Variants in FGGY observed in about 807,000 individuals in gnomAD.
The protein encoded by FGGY is FGGY carbohydrate kinase domain-containing protein.
A neutral mutation model predicts 71.3 loss-of-function variants in FGGY; 72 were observed. The observed-to-expected ratio is 1.01, with a 90% CI of 0.84 to 1.23. The LOEUF (loss-of-function observed/expected upper bound fraction) is 1.23, where lower values mean the gene tolerates loss of function less well. Ranked by LOEUF, FGGY falls within the 50% of genes most tolerant of loss-of-function variation. FGGY has a pLI of 0.00. For synonymous variants in FGGY, 251 were observed against 250.3 expected (o/e 1.00, Z -0.02); for missense variants, 668 against 682.3 (o/e 0.98, Z 0.23).
At chr1:59,547,020 T>C (rs964427648) in intron 7 of FGGY, among the ~76,000 whole-genome samples, 4 of 148,408 alleles carry the variant, frequency 2.7e-5, no homozygotes, top group African/African-American at 1.0e-4. Flanking sequence ...TGGCGCGATC[T>C]CGATTCACTG....
chr1:59,582,465 C>T (rs931272512), intron 8 of FGGY, among the ~76,000 whole-genome samples: 4 of 149,824 alleles, frequency 2.7e-5, no homozygotes, highest in South Asian at 2.1e-4. Context: ...TCCAGCCTCA[C>T]GTTGCACTAC....
At chr1:59,472,795 C>G (rs971518287) in intron 6 of FGGY, among the ~76,000 whole-genome samples, 1 of 148,782 alleles carries the variant, frequency 6.7e-6, no homozygotes, top group Admixed American at 6.7e-5. Context: ...TTGTGTCTAG[C>G]TCAGGGATTG....
At chr1:59,670,238 C>T (rs1230992276) in intron 13 of FGGY, among the ~76,000 whole-genome samples, 1 of 152,244 alleles carries the variant, frequency 6.6e-6, no homozygotes, top group African/African-American at 2.4e-5. Flanking sequence ...TCCTCTCCTT[C>T]ACCCAGGACT....
intron 14 of FGGY, among the ~76,000 whole-genome samples, chr1:59,727,569 T>A (rs1016680293): frequency 4.6e-5 from 7 of 152,162 alleles, no homozygotes; most frequent in African/African-American, 9.6e-5. Context: ...TACAAATAAA[T>A]GCCAAAACAT....
chr1:59,647,247 T>G (rs2097103671), intron 11 of FGGY, among the ~76,000 whole-genome samples: 1 of 152,200 alleles, frequency 6.6e-6, no homozygotes, highest in Non-Finnish European at 1.5e-5. Flanking sequence ...CCAGAAGAGT[T>G]GTACAGACCA....
At chr1:59,410,129 G>T (rs2063388989) in intron 5 of FGGY, among the ~76,000 whole-genome samples, 1 of 152,180 alleles carries the variant, frequency 6.6e-6, no homozygotes, top group Admixed American at 6.5e-5. Flanking sequence ...CAATGCAAAG[G>T]TATTGTCTTT....
At position 59,703,734 on chromosome 1, in the gene FGGY, G is replaced by GA. The variant is rs1000473269; in HGVS notation, c.1512+29607dup. On this transcript the variant is annotated intron_variant, in intron 14 of 15. Coordinates refer to ENST00000303721, the MANE Select transcript of FGGY (RefSeq NM_018291.5). ...ATCTGTCTTTAAAAGCAAGGAGCCAGAAAAAATAATTCATACTAAAAACAA... is the reference window on the plus strand; with the variant it reads ...ATCTGTCTTTAAAAGCAAGGAGCCAGAAAAAAATAATTCATACTAAAAACAA... Among the ~76,000 whole-genome samples, 9 of 152,272 alleles carry GA rather than the reference G, an allele frequency of 5.9e-5. No individual in the cohort carries two copies. The East Asian group carries it at 9.6e-4, about 16-fold the overall frequency.
chr1:59,378,622 C>G, intron 4 of FGGY, 127 bp from the exon 5 acceptor site: 3 of 708,734 alleles, frequency 4.2e-6, no homozygotes, highest in Non-Finnish European at 7.2e-6. Context: ...CCCCACCAAG[C>G]TCCTGAACAG....
At chr1:59,699,055 T>C in intron 14 of FGGY, 1 of 985,430 alleles carries the variant, frequency 1.0e-6, no homozygotes, top group South Asian at 4.7e-5. Flanking sequence ...ACATTTTTCC[T>C]TCCAGCCAGC....
At chr1:59,693,967 A>T (rs1384454504) in intron 14 of FGGY, among the ~76,000 whole-genome samples, 2 of 151,566 alleles carry the variant, frequency 1.3e-5, no homozygotes, top group African/African-American at 4.9e-5. Flanking sequence ...ATGTTACGCC[A>T]CTGCACTCCA....
intron 8 of FGGY, among the ~76,000 whole-genome samples, chr1:59,591,534 A>G (rs1430392755): frequency 2.6e-5 from 4 of 152,228 alleles, no homozygotes; most frequent in Non-Finnish European, 5.9e-5. Flanking sequence ...CCTGACTTCA[A>G]ACTATACTAC....
chr1:59,564,551 A>G (rs1240460261), intron 8 of FGGY, among the ~76,000 whole-genome samples: 1 of 152,250 alleles, frequency 6.6e-6, no homozygotes, highest in Non-Finnish European at 1.5e-5. Context: ...TTAGAGGAGC[A>G]GAGGATGCTC....
chr1:59,442,322 C>G (rs2070120626), intron 5 of FGGY, among the ~76,000 whole-genome samples: 1 of 152,218 alleles, frequency 6.6e-6, no homozygotes, highest in South Asian at 2.1e-4. Flanking sequence ...AATGTATCCT[C>G]CTTCTGAAGA....
At chr1:59,583,565 A>G (rs1179876342) in intron 8 of FGGY, among the ~76,000 whole-genome samples, 1 of 142,700 alleles carries the variant, frequency 7.0e-6, no homozygotes, top group African/African-American at 2.8e-5. Flanking sequence ...TTGTTTAGAC[A>G]TGTTTTAGGG....
intron 7 of FGGY, among the ~76,000 whole-genome samples, chr1:59,534,056 C>A (rs2153669592): frequency 6.6e-6 from 1 of 152,212 alleles, no homozygotes; most frequent in East Asian, 1.9e-4. Context: ...ACATTCAAAC[C>A]AAAGGCAAAG....
Position 59,615,829 on chromosome 1 carries a change from G to A in FGGY, c.1011+7919G>A, listed in dbSNP as rs2096746637. ...AAAAGAAACAACCCCATCAGCAAGT[G>A]GGCGAAAGATATGAACAGACACTTC... On this transcript the variant is annotated intron_variant, in intron 9 of 15. Coordinates refer to ENST00000303721, the MANE Select transcript of FGGY (RefSeq NM_018291.5). 2.0e-5 allele frequency among the ~76,000 whole-genome samples: 3 copies of A among 152,230 alleles called. No homozygotes were observed. In the South Asian group the frequency reaches 6.2e-4, roughly 32 times the overall value.
intron 2 of FGGY, among the ~76,000 whole-genome samples, chr1:59,337,636 T>A: frequency 6.6e-6 from 1 of 152,344 alleles, no homozygotes; most frequent in South Asian, 2.1e-4. Context: ...TGGGATTATT[T>A]TCTTAATTTT....
At chr1:59,356,459 C>G (rs1278790314) in intron 4 of FGGY, among the ~76,000 whole-genome samples, 1 of 152,166 alleles carries the variant, frequency 6.6e-6, no homozygotes, top group Non-Finnish European at 1.5e-5. Context: ...CCTTCCTTGA[C>G]TTAGGGTCCT....
chr1:59,512,240 T>TA lies in FGGY; in HGVS notation c.671-63dup, dbSNP rs546946432. On this transcript the variant is annotated intron_variant, in intron 6 of 15. Transcript: ENST00000303721. The stretch of plus-strand genomic sequence containing the variant: ...GGAGGAGAGAGCAAAGAGTTTCTCT[T>TA]AAAAAAAACCCTCTGTTTACTTTTG... 404 of 1,484,390 alleles carry TA rather than the reference T, an allele frequency of 2.7e-4. No individual in the cohort carries two copies. In the African/African-American group the frequency reaches 3.5e-3, roughly 13 times the overall value. 92.0% of individuals were successfully genotyped at this position (1,484,390 alleles called of 1,614,324 possible).
Sources: gnomAD v4.1 joint callset for allele counts (sites outside exome capture counted in the v4.1 genomes callset) on GRCh38, gnomAD v4.1.1 for gene constraint, MANE v1.5 for transcripts, NCBI Gene and HGNC (gene_info 2026-07-23, HGNC 2026-07-21) for gene names.